The following FHIT variants were observed in gnomAD, a reference collection of about 807,000 sequenced individuals.
The protein encoded by FHIT is fragile histidine triad diadenosine triphosphatase, also known as bis(5'-adenosyl)-triphosphatase.
In FHIT, 19 loss-of-function variants were observed where a neutral mutation model predicts 17.9. The observed-to-expected ratio is 1.06, with a 90% CI of 0.74 to 1.56. The LOEUF is 1.56. FHIT is among the 40% of genes most tolerant of loss of function. FHIT has a pLI of 0.00. For missense variants in FHIT, 248 were observed against 189.2 expected (o/e 1.31, Z -1.82); for synonymous variants, 81 against 69.7 (o/e 1.16, Z -0.81).
At chr3:60,806,788 G>T (rs957447475) in intron 4 of FHIT, among the ~76,000 whole-genome samples, 1 of 152,192 alleles carries the variant, frequency 6.6e-6, no homozygotes, top group African/African-American at 2.4e-5. Context: ...GTAAAAGTTT[G>T]CTGTAATTCA....
At chr3:60,487,303 A>G (rs1184646287) in intron 5 of FHIT, among the ~76,000 whole-genome samples, 3 of 152,174 alleles carry the variant, frequency 2.0e-5, no homozygotes, top group Admixed American at 1.3e-4. Flanking sequence ...CAGCTCTAGG[A>G]AGCTCCTTAA....
chr3:60,466,628 AATC>A (rs1259443021), intron 5 of FHIT, among the ~76,000 whole-genome samples: 11 of 152,056 alleles, frequency 7.2e-5, no homozygotes, highest in Admixed American at 7.2e-4. Context: ...AAATTGAAAT[AATC>A]ATATCGTTTT....
intron 4 of FHIT, among the ~76,000 whole-genome samples, chr3:60,705,309 CCTT>C (rs782547754): frequency 6.6e-6 from 1 of 152,214 alleles, no homozygotes; most frequent in East Asian, 1.9e-4. Flanking sequence ...GCATCAATAA[CCTT>C]CTTTACAGAT....
At chr3:60,910,951 T>C (rs1459530469) in intron 3 of FHIT, among the ~76,000 whole-genome samples, 5 of 152,202 alleles carry the variant, frequency 3.3e-5, no homozygotes, top group Admixed American at 6.5e-5. Context: ...AATCCAAATT[T>C]GGTTTTACCC....
intron 4 of FHIT, among the ~76,000 whole-genome samples, chr3:60,694,712 C>T (rs761275418): frequency 1.8e-4 from 28 of 152,172 alleles, no homozygotes; most frequent in Non-Finnish European, 2.2e-4. Context: ...GGCACATATA[C>T]ACAATGGAAT....
In FHIT at chr3:60,020,997, C is replaced by G. The variant is rs867730003; in HGVS notation, c.104-6845G>C. ...CCTTTTTTCAGTGGGGATTAACATA[C>G]TCATTTCAGTAACTCAATAAAGGGT... On this transcript the variant is annotated intron_variant, in intron 5 of 9. Coordinates refer to ENST00000492590, the MANE Select transcript of FHIT (RefSeq NM_002012.4). Among the ~76,000 whole-genome samples the G allele has an allele frequency of 3.3e-5, 5 of 152,236 alleles. No homozygotes were observed. In the East Asian group the frequency reaches 7.7e-4, roughly 24 times the overall value.
intron 4 of FHIT, chr3:60,732,683 G>GTTTTTT: frequency 7.2e-5 from 14 of 193,136 alleles, no homozygotes; most frequent in Non-Finnish European, 1.1e-4. Flanking sequence ...TGCAAAGACT[G>GTTTTTT]CTTTTTTTTT....
At chr3:60,240,854 T>C (rs189704304) in intron 5 of FHIT, among the ~76,000 whole-genome samples, 2 of 152,082 alleles carry the variant, frequency 1.3e-5, no homozygotes, top group Non-Finnish European at 1.5e-5. Flanking sequence ...TGCTTTGAAA[T>C]AAACCAGGAA....
At chr3:60,354,788 C>T (rs932936829) in intron 5 of FHIT, among the ~76,000 whole-genome samples, 1 of 152,110 alleles carries the variant, frequency 6.6e-6, no homozygotes, top group Admixed American at 6.6e-5. Flanking sequence ...AAACCATTAT[C>T]TTAGGGAATC....
At chr3:60,577,812 G>C (rs1276048499) in intron 4 of FHIT, among the ~76,000 whole-genome samples, 1 of 152,078 alleles carries the variant, frequency 6.6e-6, no homozygotes, top group Non-Finnish European at 1.5e-5. Flanking sequence ...TGAATCATTA[G>C]ATGCCTCATT....
At chr3:60,010,949 T>C (rs1236889814) in intron 7 of FHIT, among the ~76,000 whole-genome samples, 1 of 152,104 alleles carries the variant, frequency 6.6e-6, no homozygotes, top group African/African-American at 2.4e-5. Context: ...GCTGCGGTTA[T>C]TGCTTCACTC....
chr3:59,856,640 C>T (rs754439911), intron 8 of FHIT, among the ~76,000 whole-genome samples: 2 of 152,172 alleles, frequency 1.3e-5, no homozygotes, highest in African/African-American at 2.4e-5. Context: ...AGAAAGATTT[C>T]ATTAGCTTTG....
intron 2 of FHIT, among the ~76,000 whole-genome samples, chr3:61,051,150 G>A (rs987240037): frequency 1.3e-5 from 2 of 152,160 alleles, no homozygotes; most frequent in Non-Finnish European, 2.9e-5. Flanking sequence ...TGAAGAAAGA[G>A]ACCTGGAGAT....
chr3:60,116,963 GT>G (rs1260033732), intron 5 of FHIT, among the ~76,000 whole-genome samples: 1 of 151,636 alleles, frequency 6.6e-6, no homozygotes, highest in African/African-American at 2.4e-5. Context: ...TGCACCATGG[GT>G]TAAAAAAATG....
rs993146170 is a variant in FHIT, at chr3:59,748,115, G to T, written c.*1470C>A. Reference sequence around the variant, plus strand: ...TTGCTAAGGCAAGCAACTATGCAGAGCTGGAAATCATCAGCATTGTTTTTC... The same window carrying T: ...TTGCTAAGGCAAGCAACTATGCAGATCTGGAAATCATCAGCATTGTTTTTC... On this transcript the variant is annotated 3_prime_UTR_variant, in exon 10 of 10. Transcript: ENST00000492590. 1.3e-5 allele frequency among the ~76,000 whole-genome samples: 2 copies of T among 152,136 alleles called. No individual in the cohort carries two copies. The highest frequency in any genetic ancestry group is 4.8e-5 in the African/African-American group (2 of 41,436).
chr3:59,755,958 CT>C (rs1375686895), intron 8 of FHIT, among the ~76,000 whole-genome samples: 2 of 152,126 alleles, frequency 1.3e-5, no homozygotes, highest in African/African-American at 4.8e-5. Flanking sequence ...CCTTTAATCT[CT>C]TTGTGTCTCA....
intron 8 of FHIT, among the ~76,000 whole-genome samples, chr3:59,834,886 A>C (rs1575567042): frequency 6.6e-6 from 1 of 152,230 alleles, no homozygotes; most frequent in African/African-American, 2.4e-5. Context: ...ATAAAATTTA[A>C]TCAAATCATT....
intron 5 of FHIT, chr3:60,536,202 C>A (rs1378356342): frequency 6.6e-6 from 1 of 152,072 alleles, no homozygotes; most frequent in Non-Finnish European, 1.5e-5. Flanking sequence ...GAATAAAGCT[C>A]CTATTGAAGT....
At chr3:60,891,094 A>C (rs1705495296) in intron 3 of FHIT, among the ~76,000 whole-genome samples, 1 of 152,172 alleles carries the variant, frequency 6.6e-6, no homozygotes, top group African/African-American at 2.4e-5. Flanking sequence ...GTCAGTAGAG[A>C]ATGTCTTACA....
Sources: allele counts gnomAD v4.1 joint callset (sites outside exome capture counted in the v4.1 genomes callset), GRCh38; gene constraint gnomAD v4.1.1; transcripts MANE v1.5; gene names NCBI Gene and HGNC (gene_info 2026-07-23, HGNC 2026-07-21).